The following KCNMA1 variants were observed in gnomAD, a reference collection of about 807,000 sequenced individuals.
The protein encoded by KCNMA1 is potassium calcium-activated channel subfamily M alpha 1.
KCNMA1 carries 29 observed loss-of-function variants against 140.0 expected under a neutral mutation model. The observed-to-expected ratio is 0.21, with a 90% CI of 0.15 to 0.28. The LOEUF (loss-of-function observed/expected upper bound fraction) is 0.28, where lower values mean the gene tolerates loss of function less well. Ranked by LOEUF, KCNMA1 falls within the 10% of genes least tolerant of loss-of-function variation. The pLI is 1.00. For synonymous variants in KCNMA1, 612 were observed against 611.9 expected (o/e 1.00, Z 0.00); for missense variants, 880 against 1,602.2 (o/e 0.55, Z 7.70).
intron 2 of KCNMA1, among the ~76,000 whole-genome samples, chr10:77,379,646 T>C (rs1441818384): frequency 6.6e-6 from 1 of 151,854 alleles, no homozygotes; most frequent in African/African-American, 2.4e-5. Context: ...AAGGAACCCA[T>C]AATTTTGGAA....
intron 1 of KCNMA1, among the ~76,000 whole-genome samples, chr10:77,436,397 C>T (rs549745631): frequency 6.6e-6 from 1 of 152,284 alleles, no homozygotes; most frequent in East Asian, 1.9e-4. Context: ...GTCGTCTGAG[C>T]ACCCCTAAAG....
chr10:77,477,967 G>A (rs926300651), intron 1 of KCNMA1, among the ~76,000 whole-genome samples: 16 of 152,104 alleles, frequency 1.1e-4, no homozygotes, highest in Middle Eastern at 3.2e-3. Context: ...TGTGGATCCC[G>A]GGCACTGCCA....
At chr10:77,142,335 C>T (rs1462319900) in intron 5 of KCNMA1, among the ~76,000 whole-genome samples, 1 of 148,422 alleles carries the variant, frequency 6.7e-6, no homozygotes, top group Non-Finnish European at 1.5e-5. Flanking sequence ...AGTGCCACTG[C>T]ACTCCAGCCT....
At chr10:77,124,421 A>C (rs2097689916) in intron 5 of KCNMA1, among the ~76,000 whole-genome samples, 1 of 152,220 alleles carries the variant, frequency 6.6e-6, no homozygotes, top group Non-Finnish European at 1.5e-5. Flanking sequence ...CTCTTGCTAG[A>C]CACAAACTGC....
chr10:77,531,812 C>G (rs1301766274), intron 1 of KCNMA1, among the ~76,000 whole-genome samples: 1 of 152,154 alleles, frequency 6.6e-6, no homozygotes, highest in Non-Finnish European at 1.5e-5. Context: ...AAACCAGAGC[C>G]AAGAAAGAGG....
At chr10:76,962,169 C>T (rs2071773825) in intron 20 of KCNMA1, among the ~76,000 whole-genome samples, 1 of 152,158 alleles carries the variant, frequency 6.6e-6, no homozygotes, top group Non-Finnish European at 1.5e-5. Context: ...GCACAATTTC[C>T]CTTACAGGCA....
At chr10:77,605,310 C>A (rs947255333) in intron 1 of KCNMA1, among the ~76,000 whole-genome samples, 1 of 152,206 alleles carries the variant, frequency 6.6e-6, no homozygotes, top group Admixed American at 6.5e-5. Context: ...TGCCTGCAGC[C>A]CTGAGGGCCT....
At chr10:77,283,083 C>T (rs1383072205) in intron 2 of KCNMA1, among the ~76,000 whole-genome samples, 3 of 152,164 alleles carry the variant, frequency 2.0e-5, no homozygotes, top group African/African-American at 4.8e-5. Context: ...GTTCAACTAC[C>T]AGCCTTTACC....
intron 9 of KCNMA1, among the ~76,000 whole-genome samples, chr10:77,105,605 G>A (rs890077227): frequency 1.3e-5 from 2 of 152,096 alleles, no homozygotes; most frequent in Admixed American, 1.3e-4. Context: ...TTGGGTCCTG[G>A]GGAGCAGAGA....
chr10:77,384,926 T>C (rs1000602854), intron 2 of KCNMA1, among the ~76,000 whole-genome samples: 2 of 152,208 alleles, frequency 1.3e-5, no homozygotes, highest in Non-Finnish European at 2.9e-5. Flanking sequence ...GGTCATCGAG[T>C]CATGAGATCC....
intron 1 of KCNMA1, among the ~76,000 whole-genome samples, chr10:77,460,334 T>C (rs2154523701): frequency 6.6e-6 from 1 of 152,306 alleles, no homozygotes; most frequent in Non-Finnish European, 1.5e-5. Context: ...AGTGTGGAGA[T>C]TTCTCAAAGA....
At chr10:77,600,571 A>T (rs2082290991) in intron 1 of KCNMA1, among the ~76,000 whole-genome samples, 1 of 152,192 alleles carries the variant, frequency 6.6e-6, no homozygotes, top group South Asian at 2.1e-4. Flanking sequence ...CAACATGGAG[A>T]AACCCCATCT....
At chr10:77,285,399 A>G (rs1164005924) in intron 2 of KCNMA1, among the ~76,000 whole-genome samples, 2 of 152,214 alleles carry the variant, frequency 1.3e-5, no homozygotes, top group East Asian at 3.8e-4. Context: ...CTTTGAGAGA[A>G]AGAATAATAA....
rs201896013 is a variant in KCNMA1, at chr10:77,084,622, C to A, written c.1523+15G>T. On this transcript the variant is annotated intron_variant, in intron 12 of 27. Coordinates refer to ENST00000286628, the MANE Select transcript of KCNMA1 (RefSeq NM_001161352.2). ...CTGCCAAGCCCAGGGCCTTCCGCAGCGCCCCAAGAGTTACCTCATGATATT... is the reference window on the plus strand; with the variant it reads ...CTGCCAAGCCCAGGGCCTTCCGCAGAGCCCCAAGAGTTACCTCATGATATT... 1 of 1,607,156 alleles carries A rather than the reference C, an allele frequency of 6.2e-7. No homozygotes were observed. Among genetic ancestry groups the A allele is most frequent in the Admixed American group, 1.7e-5 (1 of 60,020 alleles).
chr10:77,078,337 T>C (rs1052997307), intron 13 of KCNMA1, among the ~76,000 whole-genome samples: 1 of 152,158 alleles, frequency 6.6e-6, no homozygotes, highest in East Asian at 1.9e-4. Context: ...TTCCCTCCCC[T>C]AAAGCTGTTT....
intron 19 of KCNMA1, chr10:76,970,625 T>G (rs2075809909): frequency 5.9e-6 from 1 of 170,598 alleles, no homozygotes; most frequent in Admixed American, 5.6e-5. Context: ...TCGGGGCACA[T>G]TGGTGCATGC....
At chr10:77,177,498 T>TCTTTC (rs2098762423) in intron 5 of KCNMA1, among the ~76,000 whole-genome samples, 1 of 151,376 alleles carries the variant, frequency 6.6e-6, no homozygotes, top group Non-Finnish European at 1.5e-5. Context: ...TTCTTTCTTT[T>TCTTTC]CTTTTCTTTT....
At chr10:77,585,142 G>A (rs1206217927) in intron 1 of KCNMA1, among the ~76,000 whole-genome samples, 1 of 152,202 alleles carries the variant, frequency 6.6e-6, no homozygotes, top group Non-Finnish European at 1.5e-5. Flanking sequence ...GATGACAGGA[G>A]TACCAAGAGG....
At chr10:77,450,541 A>G (rs1003254281) in intron 1 of KCNMA1, among the ~76,000 whole-genome samples, 2 of 152,116 alleles carry the variant, frequency 1.3e-5, no homozygotes, top group African/African-American at 4.8e-5. Flanking sequence ...TTCTCTTTAT[A>G]ATTTTTCTGT....
Sources: gnomAD v4.1 joint callset for allele counts (sites outside exome capture counted in the v4.1 genomes callset) on GRCh38, gnomAD v4.1.1 for gene constraint, MANE v1.5 for transcripts, NCBI Gene and HGNC (gene_info 2026-07-23, HGNC 2026-07-21) for gene names.